Variants in PPARG observed in about 807,000 individuals in gnomAD.
PPARG encodes peroxisome proliferator-activated receptor gamma.
Under a neutral mutation model 39.2 loss-of-function variants are expected in PPARG, and 17 were observed. The ratio of observed to expected loss-of-function variants is 0.43; its 90% CI spans 0.30 to 0.65. PPARG has a LOEUF of 0.65. PPARG is among the 30% of genes least tolerant of loss of function. PPARG has a pLI of 0.13. For synonymous variants in PPARG, 223 were observed against 215.7 expected, an observed-to-expected ratio of 1.03 and a Z score of -0.30; for missense variants, 406 against 585.9, an observed-to-expected ratio of 0.69 and a Z score of 3.17.
At chr3:12,412,336 T>C (rs115635066) in intron 6 of PPARG, among the ~76,000 whole-genome samples, 5,384 of 152,262 alleles carry the variant, frequency 0.035, 311 homozygotes, top group African/African-American at 0.12. Flanking sequence ...CCATTGTCTT[T>C]GTATTCTACA....
Position 12,407,229 on chromosome 3 carries a change from C to T in PPARG, c.729+1148C>T, listed in dbSNP as rs559611704. 1.7e-3 allele frequency among the ~76,000 whole-genome samples: 255 copies of T among 152,170 alleles called. 1 individual carries two copies. Among genetic ancestry groups the T allele is most frequent in the African/African-American group, 5.8e-3 (242 of 41,522 alleles). On this transcript the variant is annotated intron_variant, in intron 6 of 7. Transcript: ENST00000651735. Reference sequence around the variant, plus strand: ...AGGCTGGAATGCAGTGGCGTGATCTCGGCTCACTGCAACCTCCACCTCCCT... The same window carrying T: ...AGGCTGGAATGCAGTGGCGTGATCTTGGCTCACTGCAACCTCCACCTCCCT...
chr3:12,413,370 T>C (rs1257525415), intron 6 of PPARG, among the ~76,000 whole-genome samples: 2 of 152,172 alleles, frequency 1.3e-5, no homozygotes, highest in Admixed American at 6.5e-5. Flanking sequence ...GCTGAAAGAA[T>C]CTATGCAGCC....
intron 2 of PPARG, among the ~76,000 whole-genome samples, chr3:12,377,633 A>G (rs1254653920): frequency 6.6e-6 from 1 of 152,214 alleles, no homozygotes; most frequent in Non-Finnish European, 1.5e-5. Context: ...CAAAAGCATT[A>G]TAAATACAAG....
At chr3:12,354,609 C>T (rs1415932482) in intron 2 of PPARG, among the ~76,000 whole-genome samples, 1 of 151,810 alleles carries the variant, frequency 6.6e-6, no homozygotes, top group African/African-American at 2.4e-5. Context: ...AAAAATTAGC[C>T]AGGCGTGGTG....
intron 1 of PPARG, among the ~76,000 whole-genome samples, chr3:12,304,065 C>A (rs1429337809): frequency 6.6e-6 from 1 of 152,212 alleles, no homozygotes; most frequent in Non-Finnish European, 1.5e-5. Flanking sequence ...TTCTCTAATG[C>A]CTTCTCAGAC....
At chr3:12,386,601 A>C (rs1347739767) in intron 4 of PPARG, among the ~76,000 whole-genome samples, 1 of 152,176 alleles carries the variant, frequency 6.6e-6, no homozygotes, top group Non-Finnish European at 1.5e-5. Context: ...ATCTAGTTCA[A>C]AGAAGAACTT....
chr3:12,418,353 G>C (rs913460746), intron 7 of PPARG, among the ~76,000 whole-genome samples: 1 of 152,168 alleles, frequency 6.6e-6, no homozygotes, highest in Non-Finnish European at 1.5e-5. Context: ...TAAGTGGCAA[G>C]TTTTCCTATT....
intron 2 of PPARG, among the ~76,000 whole-genome samples, chr3:12,353,755 T>C (rs2048567418): frequency 6.6e-6 from 1 of 152,218 alleles, no homozygotes; most frequent in Non-Finnish European, 1.5e-5. Context: ...GACCCCTTTA[T>C]ATTATTCCCC....
At chr3:12,329,375 A>C (rs1329669320) in intron 2 of PPARG, among the ~76,000 whole-genome samples, 2 of 152,222 alleles carry the variant, frequency 1.3e-5, no homozygotes, top group Non-Finnish European at 2.9e-5. Context: ...AATAATTAAC[A>C]TGAGCTGTAG....
chr3:12,390,765 C>T (rs370205599), intron 4 of PPARG, among the ~76,000 whole-genome samples: 10 of 150,350 alleles, frequency 6.7e-5, no homozygotes, highest in African/African-American at 2.0e-4. Context: ...CCATCTCAGC[C>T]GCCAGAGTAG....
At position 12,314,745 on chromosome 3, in the gene PPARG, C is replaced by T. The variant is rs116371983; in HGVS notation, c.-9+2292C>T. ...ATTGGATCCTAGAGCTGAAAAGGGA[C>T]GTTAGTAGGAAAACTGGTGAAATCC... On this transcript the variant is annotated intron_variant, in intron 2 of 7. Coordinates refer to ENST00000651735, the MANE Select transcript of PPARG (RefSeq NM_138711.6). Among the ~76,000 whole-genome samples the T allele has an allele frequency of 9.2e-4, 140 of 152,168 alleles. 1 individual carries two copies. The highest frequency in any genetic ancestry group is 3.3e-3 in the African/African-American group (136 of 41,524).
chr3:12,307,857 G>A (rs1342789430), intron 1 of PPARG, among the ~76,000 whole-genome samples: 2 of 152,166 alleles, frequency 1.3e-5, no homozygotes, highest in East Asian at 3.8e-4. Flanking sequence ...CCAATTAGGT[G>A]TTGAATTGTT....
chr3:12,421,557 T>G (rs2051262059), intron 7 of PPARG, among the ~76,000 whole-genome samples: 1 of 152,186 alleles, frequency 6.6e-6, no homozygotes, highest in African/African-American at 2.4e-5. Flanking sequence ...AGAAAAAGTG[T>G]AGGAGAGTTC....
intron 5 of PPARG, among the ~76,000 whole-genome samples, chr3:12,394,939 A>G (rs565324384): frequency 6.6e-6 from 1 of 152,312 alleles, no homozygotes; most frequent in Admixed American, 6.5e-5. Context: ...TATGCGCAAG[A>G]AAACATGAAC....
chr3:12,292,999 A>G (rs1432861909), intron 1 of PPARG, among the ~76,000 whole-genome samples: 1 of 152,168 alleles, frequency 6.6e-6, no homozygotes, highest in African/African-American at 2.4e-5. Context: ...AGGTGGGCTG[A>G]GTGTCCCTGT....
intron 2 of PPARG, among the ~76,000 whole-genome samples, chr3:12,338,564 C>A (rs981794759): frequency 6.6e-6 from 1 of 152,016 alleles, no homozygotes; most frequent in African/African-American, 2.4e-5. Flanking sequence ...ATTTACACAA[C>A]CAAAATAAAT....
At chr3:12,430,346 C>A (rs750445252) in intron 7 of PPARG, among the ~76,000 whole-genome samples, 1 of 152,198 alleles carries the variant, frequency 6.6e-6, no homozygotes, top group Non-Finnish European at 1.5e-5. Context: ...TGGTTCAGAA[C>A]GTAGTCTCTG....
rs1421126930 is a variant in PPARG at position 12,392,689 on chromosome 3, A to G, written c.466A>G (p.Ser156Gly). The change falls in exon 5 of 8, where the codon AGT becomes GGT. Residue 156 changes from serine (S) to glycine (G), a missense_variant. Ser to Gly is a moderately conservative substitution (Grantham distance 56). Transcript: ENST00000651735. ...CDLNCRIHKKSRNKCQYCRFQ... is the reference protein window; with the variant it reads ...CDLNCRIHKKGRNKCQYCRFQ... ...TCTTAACTGTCGGATCCACAAAAAA[A>G]GTAGAAATAAATGTCAGTACTGTCG... 30 of 1,613,850 alleles carry G rather than the reference A, an allele frequency of 1.9e-5. No individual in the cohort carries two copies. The Admixed American group carries it at 5.0e-4, about 27-fold the overall frequency.
intron 2 of PPARG, among the ~76,000 whole-genome samples, chr3:12,316,083 A>G (rs1180884788): frequency 1.3e-5 from 2 of 152,228 alleles, no homozygotes; most frequent in Admixed American, 6.5e-5. Flanking sequence ...CTTAAAGGAA[A>G]TCAATGACAG....
Sources: gnomAD v4.1 joint callset for allele counts (sites outside exome capture counted in the v4.1 genomes callset) on GRCh38, gnomAD v4.1.1 for gene constraint, MANE v1.5 for transcripts, NCBI Gene and HGNC (gene_info 2026-07-23, HGNC 2026-07-21) for gene names.